Variants in MAPK10 observed in about 807,000 individuals in gnomAD.
The protein encoded by MAPK10 is mitogen-activated protein kinase 10.
MAPK10 carries 25 observed loss-of-function variants against 59.3 expected under a neutral mutation model. That is an observed-to-expected ratio of 0.42 (90% confidence interval 0.31 to 0.59). The LOEUF is 0.59. Among genes scored for constraint, MAPK10 ranks in the 20% least tolerant of loss-of-function variants. The pLI, the probability that MAPK10 is intolerant of heterozygous loss-of-function variation, is 0.15. For missense variants in MAPK10, 351 were observed against 568.9 expected (o/e 0.62, Z 3.90); for synonymous variants, 190 against 200.5 (o/e 0.95, Z 0.44).
At chr4:86,044,154 C>CA (rs1278263826) in intron 11 of MAPK10, among the ~76,000 whole-genome samples, 4 of 152,170 alleles carry the variant, frequency 2.6e-5, no homozygotes, top group Non-Finnish European at 5.9e-5. Flanking sequence ...CACGTCCACT[C>CA]AGAGGGGCGA....
intron 1 of MAPK10, among the ~76,000 whole-genome samples, chr4:86,493,718 A>G (rs982156924): frequency 6.6e-6 from 1 of 152,180 alleles, no homozygotes; most frequent in Non-Finnish European, 1.5e-5. Flanking sequence ...CTCCCTGTGA[A>G]TGGTTGCTAT....
chr4:86,157,864 C>T (rs2068305898), intron 4 of MAPK10, among the ~76,000 whole-genome samples: 1 of 151,936 alleles, frequency 6.6e-6, no homozygotes, highest in African/African-American at 2.4e-5. Flanking sequence ...CTTTCACTGA[C>T]AGTACTCAGT....
At chr4:86,521,074 G>T (rs1270438974) in intron 1 of MAPK10, among the ~76,000 whole-genome samples, 1 of 152,234 alleles carries the variant, frequency 6.6e-6, no homozygotes, top group Non-Finnish European at 1.5e-5. Context: ...TAGTGTACTT[G>T]TTTTCTCAAA....
intron 4 of MAPK10, among the ~76,000 whole-genome samples, chr4:86,117,060 C>CACCA (rs2058398326): frequency 6.6e-6 from 1 of 152,176 alleles, no homozygotes; most frequent in Non-Finnish European, 1.5e-5. Context: ...TCAAGTATAT[C>CACCA]CCATGACATC....
chr4:86,209,716 G>A (rs2085252318), intron 2 of MAPK10, among the ~76,000 whole-genome samples: 2 of 152,022 alleles, frequency 1.3e-5, no homozygotes, highest in African/African-American at 2.4e-5. Flanking sequence ...GTAATTTACA[G>A]ATATGATTCA....
At chr4:86,208,970 A>T (rs1196528972) in intron 2 of MAPK10, among the ~76,000 whole-genome samples, 1 of 152,096 alleles carries the variant, frequency 6.6e-6, no homozygotes, top group African/African-American at 2.4e-5. Context: ...AGTATATAAG[A>T]CACTAATTGC....
chr4:86,266,332 C>G (rs72865371), intron 2 of MAPK10, among the ~76,000 whole-genome samples: 1 of 152,138 alleles, frequency 6.6e-6, no homozygotes, highest in Non-Finnish European at 1.5e-5. Context: ...TGTATGACCT[C>G]GGCATACAGA....
intron 4 of MAPK10, among the ~76,000 whole-genome samples, chr4:86,133,703 T>G (rs2061409599): frequency 6.6e-6 from 1 of 152,240 alleles, no homozygotes; most frequent in South Asian, 2.1e-4. Flanking sequence ...GCTCAGATTT[T>G]GGGTGTTGAG....
At chr4:86,095,368 A>G (rs1009607986) in intron 9 of MAPK10, 2 of 151,924 alleles carry the variant, frequency 1.3e-5, no homozygotes, top group African/African-American at 4.8e-5. Flanking sequence ...GTTCAAGTTT[A>G]AAAGTTCTGT....
chr4:86,145,310 C>G lies in MAPK10; in HGVS notation c.236+13988G>C, dbSNP rs1245887380. On this transcript the variant is annotated intron_variant, in intron 4 of 13. Coordinates refer to ENST00000641462, the MANE Select transcript of MAPK10 (RefSeq NM_138982.4). Reference sequence around the variant, plus strand: ...CCGGGAGGCGGAGCTTGCAGTGAGCCGAGATCGCGCCACTGCACTCCAGCC... The same window carrying G: ...CCGGGAGGCGGAGCTTGCAGTGAGCGGAGATCGCGCCACTGCACTCCAGCC... 2.3e-5 allele frequency among the ~76,000 whole-genome samples: 2 copies of G among 85,640 alleles called. 1 individual carries two copies. Among genetic ancestry groups the G allele is most frequent in the Non-Finnish European group, 4.3e-5 (2 of 46,074 alleles). 56.2% of individuals were successfully genotyped at this position (85,640 alleles called of 152,430 possible).
intron 2 of MAPK10, among the ~76,000 whole-genome samples, chr4:86,219,327 T>C (rs1416560584): frequency 6.6e-6 from 1 of 152,152 alleles, no homozygotes; most frequent in African/African-American, 2.4e-5. Flanking sequence ...GAGTCACAAG[T>C]ACAAACACTC....
intron 1 of MAPK10, among the ~76,000 whole-genome samples, chr4:86,581,920 T>C (rs1762329286): frequency 8.6e-6 from 1 of 116,620 alleles, no homozygotes; most frequent in Non-Finnish European, 1.9e-5. Flanking sequence ...TATATATATA[T>C]ATATATATAT....
At chr4:86,122,349 G>A (rs892039194) in intron 4 of MAPK10, among the ~76,000 whole-genome samples, 6 of 152,048 alleles carry the variant, frequency 3.9e-5, no homozygotes, top group Non-Finnish European at 8.8e-5. Flanking sequence ...AAAATTCCTT[G>A]AGTATCCCCA....
At chr4:86,473,258 G>C (rs1752803647) in intron 1 of MAPK10, among the ~76,000 whole-genome samples, 1 of 152,160 alleles carries the variant, frequency 6.6e-6, no homozygotes, top group Non-Finnish European at 1.5e-5. Context: ...TGTATTTCTA[G>C]TTGGAGGTCA....
At chr4:86,566,924 C>T (rs1221450275) in intron 1 of MAPK10, among the ~76,000 whole-genome samples, 1 of 152,022 alleles carries the variant, frequency 6.6e-6, no homozygotes, top group Non-Finnish European at 1.5e-5. Flanking sequence ...CAAAAATTAG[C>T]CTGGCATGGT....
Position 86,114,359 on chromosome 4 carries a change from C to T in MAPK10, c.237-7007G>A, listed in dbSNP as rs150397477. 3.2e-3 allele frequency among the ~76,000 whole-genome samples: 481 copies of T among 152,278 alleles called. 12 individuals carry two copies. The highest frequency in any genetic ancestry group is 0.027 in the Admixed American group (419 of 15,300). ...TTTCAAATCTTCATGGGTTTTTCTA[C>T]CTTTGATCTTTGAGGCTGCTGACCT... On this transcript the variant is annotated intron_variant, in intron 4 of 13. Coordinates refer to ENST00000641462, the MANE Select transcript of MAPK10 (RefSeq NM_138982.4).
chr4:86,552,189 G>A (rs1368740816), intron 1 of MAPK10, among the ~76,000 whole-genome samples: 1 of 151,866 alleles, frequency 6.6e-6, no homozygotes, highest in African/African-American at 2.4e-5. Flanking sequence ...GGAGGCCGAG[G>A]CGGGAGGATC....
chr4:86,587,899 C>A (rs1407397722), intron 1 of MAPK10, among the ~76,000 whole-genome samples: 1 of 152,148 alleles, frequency 6.6e-6, no homozygotes, highest in East Asian at 1.9e-4. Context: ...TGCCTCTAGT[C>A]CCAGCTACTT....
At chr4:86,576,777 A>ACC (rs1381256089) in intron 1 of MAPK10, among the ~76,000 whole-genome samples, 2 of 150,750 alleles carry the variant, frequency 1.3e-5, no homozygotes, top group African/African-American at 4.8e-5. Context: ...TCCGTCCCAA[A>ACC]AAAAAAAAAC....
Sources: gnomAD v4.1 joint callset for allele counts (sites outside exome capture counted in the v4.1 genomes callset) on GRCh38, gnomAD v4.1.1 for gene constraint, MANE v1.5 for transcripts, NCBI Gene and HGNC (gene_info 2026-07-23, HGNC 2026-07-21) for gene names.